The following NFU1 variants were observed in gnomAD, a reference collection of about 807,000 sequenced individuals.
NFU1 encodes NFU1 iron-sulfur cluster scaffold homolog, mitochondrial.
Under a neutral mutation model 32.2 loss-of-function variants are expected in NFU1, and 30 were observed. That is an observed-to-expected ratio of 0.93 (90% CI 0.70 to 1.26). The LOEUF is 1.26. NFU1 is among the 50% of genes most tolerant of loss of function. The pLI, the probability that NFU1 is intolerant of heterozygous loss-of-function variation, is 0.00. For missense variants in NFU1, 306 were observed against 306.6 expected (o/e 1.00, Z 0.02); for synonymous variants, 112 against 104.6 (o/e 1.07, Z -0.43).
At chr2:69,409,417 C>T (rs1377423553) in intron 5 of NFU1, among the ~76,000 whole-genome samples, 1 of 151,968 alleles carries the variant, frequency 6.6e-6, no homozygotes, top group East Asian at 1.9e-4. Context: ...TACATGTTGC[C>T]TTGTGCATAT....
chr2:69,400,221 C>A, intron 7 of NFU1, 143 bp downstream of exon 7: 1 of 761,644 alleles, frequency 1.3e-6, no homozygotes. Flanking sequence ...AAAATTGCAA[C>A]ACAAAAATCC....
At chr2:69,425,753 T>G (rs945965281) in intron 2 of NFU1, among the ~76,000 whole-genome samples, 1 of 152,084 alleles carries the variant, frequency 6.6e-6, no homozygotes, top group African/African-American at 2.4e-5. Flanking sequence ...CCCAAAGTGT[T>G]GGGATTACAG....
Position 69,423,710 on chromosome 2 carries a change from G to T in NFU1, c.174C>A (p.Tyr58Ter). ...GGGTATCTTGTGTTTGAATAAACATGTATCTCACTAAAAAAGAAAAAGAAG... is the reference window on the plus strand; with the variant it reads ...GGGTATCTTGTGTTTGAATAAACATTTATCTCACTAAAAAAGAAAAAGAAG... ...LPAAFYHPVR[Y>*]MFIQTQDTPN... is the part of the protein sequence containing the mutation. Residue 58 changes from tyrosine (Y) to a stop codon, truncating the protein, a stop_gained, in exon 3 of 8, where the codon TAC becomes TAA. Transcript: ENST00000410022. LOFTEE classifies it high-confidence loss of function. The T allele has an allele frequency of 6.3e-7, 1 of 1,596,930 alleles. No homozygotes were observed. Among genetic ancestry groups the T allele is most frequent in the Non-Finnish European group, 8.6e-7 (1 of 1,164,750 alleles).
intron 4 of NFU1, among the ~76,000 whole-genome samples, chr2:69,417,920 T>C (rs1194135219): frequency 6.6e-6 from 1 of 151,102 alleles, no homozygotes; most frequent in Non-Finnish European, 1.5e-5. Context: ...AATTTTTATA[T>C]AGCATAGGCT....
intron 3 of NFU1, among the ~76,000 whole-genome samples, chr2:69,423,123 C>T (rs1195520144): frequency 7.8e-6 from 1 of 128,724 alleles, no homozygotes; most frequent in Non-Finnish European, 1.8e-5. Flanking sequence ...ACCAGAGGTA[C>T]ACACCATCAC....
At position 69,423,755 on chromosome 2, in the gene NFU1, AAC is replaced by A. The variant is rs1558839232; in HGVS notation, c.167-40_167-39del. On this transcript the variant is annotated intron_variant, in intron 2 of 7. Coordinates refer to ENST00000410022, the MANE Select transcript of NFU1 (RefSeq NM_001002755.4). ...AAGAAGAAAATGTTATTCTAGAAAAAACAGTTAACAAGTTTATGGACTATGAA... is the reference window on the plus strand; with the variant it reads ...AAGAAGAAAATGTTATTCTAGAAAAAAGTTAACAAGTTTATGGACTATGAA... The A allele has an allele frequency of 4.1e-6, 6 of 1,464,958 alleles. No individual in the cohort carries two copies. In the Admixed American group the frequency reaches 1.1e-4, roughly 26 times the overall value. The allele number at this position is 1,464,958 out of a possible 1,614,324, so 90.7% of individuals were successfully genotyped here.
chr2:69,430,008 A>G (rs1461238732), intron 2 of NFU1: 1 of 330,498 alleles, frequency 3.0e-6, no homozygotes, highest in Admixed American at 4.0e-5. Flanking sequence ...TAGCCTGGGC[A>G]ACATAGTGAG....
intron 6 of NFU1, among the ~76,000 whole-genome samples, chr2:69,405,156 A>AGAACCGCTTGAACCCGGGAGGC (rs1217295647): frequency 5.3e-5 from 8 of 152,190 alleles, no homozygotes; most frequent in African/African-American, 1.9e-4. Context: ...CTGAATCTGG[A>AGAACCGCTTGAACCCGGGAGGC]GAACCGCTTG....
Position 69,437,407 on chromosome 2 carries a change from T to C in NFU1, c.16A>G (p.Arg6Gly). MAATA[R>G]RGWGAAAVAA... ...ACAGCCGCAGCTCCCCAGCCCCGCC[T>C]GGCCGTCGCCGCCATCTTAGTCCGG... The change falls in exon 1 of 8, where the codon AGG (arginine) becomes GGG (glycine). Residue 6 changes from arginine (R) to glycine (G), a missense_variant. Physicochemically the swap from Arg to Gly is moderately radical, Grantham distance 125. Transcript: ENST00000410022. 1.9e-6 allele frequency: 3 copies of C among 1,610,682 alleles called. No individual in the cohort carries two copies. The highest frequency in any genetic ancestry group is 2.5e-6 in the Non-Finnish European group (3 of 1,179,532).
chr2:69,399,264 C>T (rs1574107283), intron 7 of NFU1: 1 of 331,300 alleles, frequency 3.0e-6, no homozygotes, highest in Non-Finnish European at 6.0e-6. Context: ...TTGGAAATTT[C>T]TAATTTCCAC....
chr2:69,420,771 T>C (rs1673210352), intron 3 of NFU1, among the ~76,000 whole-genome samples: 2 of 152,108 alleles, frequency 1.3e-5, no homozygotes, highest in Admixed American at 6.6e-5. Context: ...TGTAATAAAA[T>C]AAAACAGAAC....
At chr2:69,401,245 T>C (rs1672513788) in intron 6 of NFU1, among the ~76,000 whole-genome samples, 1 of 152,218 alleles carries the variant, frequency 6.6e-6, no homozygotes, top group Non-Finnish European at 1.5e-5. Flanking sequence ...CCCTTTGGGC[T>C]TCCTTCCAAT....
upstream of NFU1, among the ~76,000 whole-genome samples, chr2:69,438,557 C>T (rs1042883267): frequency 2.0e-5 from 3 of 152,144 alleles, no homozygotes; most frequent in East Asian, 1.9e-4. Flanking sequence ...CTCACCCTGC[C>T]TAGTAGTGTT....
At chr2:69,404,446 C>T (rs1223900170) in intron 6 of NFU1, among the ~76,000 whole-genome samples, 2 of 150,156 alleles carry the variant, frequency 1.3e-5, no homozygotes, top group Admixed American at 6.6e-5. Context: ...GAGCTGATAT[C>T]GTGCAGCACT....
upstream of NFU1, among the ~76,000 whole-genome samples, chr2:69,438,167 C>A (rs1405233987): frequency 6.6e-6 from 1 of 152,018 alleles, no homozygotes; most frequent in East Asian, 1.9e-4. Context: ...CACGTTAGAA[C>A]ATGTTAGAAA....
At chr2:69,406,145 A>T in intron 5 of NFU1, 63 bp from the exon 6 acceptor site, 1 of 930,524 alleles carries the variant, frequency 1.1e-6, no homozygotes, top group Non-Finnish European at 1.8e-6. Context: ...AAGTACGAGT[A>T]TTAAAACAGA....
Position 69,417,137 on chromosome 2 carries a change from CTGAA to C in NFU1, c.370-1842_370-1839del, listed in dbSNP as rs199864205. Among the ~76,000 whole-genome samples the C allele has an allele frequency of 3.2e-3, 481 of 151,680 alleles. 1 individual carries two copies. Among genetic ancestry groups the C allele is most frequent in the African/African-American group, 0.011 (461 of 41,350 alleles). ...AAAAGAAAAAATATTCTAAAGTTGT[CTGAA>C]TGAGAAAAAAAGGGCAGCATATAAG... On this transcript the variant is annotated intron_variant, in intron 4 of 7. Transcript: ENST00000410022.
rs113227036 is a variant in NFU1, at chr2:69,416,853, G to A, written c.370-1554C>T. 0.015 allele frequency among the ~76,000 whole-genome samples: 2,242 copies of A among 152,252 alleles called. 129 individuals are homozygous for A. In the East Asian group the frequency reaches 0.18, roughly 13 times the overall value. On this transcript the variant is annotated intron_variant, in intron 4 of 7. Transcript: ENST00000410022. ...GCGGAGGTTGCAGTGAGCCGAGATC[G>A]TGCCACTGCCCTCCAGCCTGGGCGA... is the stretch of plus-strand genomic sequence containing the variant.
upstream of NFU1, among the ~76,000 whole-genome samples, chr2:69,439,122 T>TA (rs1359641692): frequency 1.3e-5 from 2 of 151,952 alleles, no homozygotes; most frequent in African/African-American, 4.8e-5. Context: ...CCAAGTGGCT[T>TA]AAAAAAATGG....
Sources: gnomAD v4.1 joint callset for allele counts (sites outside exome capture counted in the v4.1 genomes callset) on GRCh38, gnomAD v4.1.1 for gene constraint, MANE v1.5 for transcripts, NCBI Gene and HGNC (gene_info 2026-07-23, HGNC 2026-07-21) for gene names.